MXRA8: variants seen among roughly 807,000 people sequenced by gnomAD.
MXRA8 encodes the protein matrix remodeling-associated protein 8.
MXRA8 carries 44 observed loss-of-function variants against 51.4 expected under a neutral mutation model. The observed-to-expected ratio is 0.86, with a 90% CI of 0.67 to 1.10. The LOEUF is 1.10. Among genes scored for constraint, MXRA8 ranks in the 50% least tolerant of loss-of-function variants. The pLI is 0.00. For missense variants in MXRA8, 765 were observed against 638.9 expected (o/e 1.20, Z -2.13); for synonymous variants, 369 against 293.5 (o/e 1.26, Z -2.63).
intron 2 of MXRA8, among the ~76,000 whole-genome samples, chr1:1,356,199 G>A (rs1644126714): frequency 7.4e-6 from 1 of 135,936 alleles, no homozygotes; most frequent in African/African-American, 2.8e-5. Flanking sequence ...ATCATTGGGG[G>A]AGTGGTGGAC....
chr1:1,357,132 TCAGCG>T (rs1644149478), intron 1 of MXRA8, among the ~76,000 whole-genome samples: 1 of 152,108 alleles, frequency 6.6e-6, no homozygotes, highest in Non-Finnish European at 1.5e-5. Flanking sequence ...CACCTAAGGC[TCAGCG>T]CAGCCCCTGA....
upstream of MXRA8, among the ~76,000 whole-genome samples, chr1:1,360,489 C>T (rs565928710): frequency 1.4e-4 from 1 of 6,942 alleles, no homozygotes; most frequent in Admixed American, 1.4e-3. Context: ...GACTGTGGAG[C>T]CTCTGCTCGC....
Position 1,354,222 on chromosome 1 carries a change from G to C in MXRA8, c.1116C>G (p.Tyr372Ter). 1.2e-6 allele frequency: 2 copies of C among 1,612,542 alleles called. No homozygotes were observed. The highest frequency in any genetic ancestry group is 1.7e-6 in the Non-Finnish European group (2 of 1,179,932). Residue 372 changes from tyrosine (Y) to a stop codon, truncating the protein, a stop_gained, in exon 7 of 10, where the codon TAC (tyrosine) becomes TAG (stop). Transcript: ENST00000309212. LOFTEE classifies it high-confidence loss of function. ...AARRRRGGYE[Y>*]SDQKSGKSKG... ...TTGACTTTCCCGACTTCTGGTCCGA[G>C]TATTCGTAGCCTGGGAAGGAGACTC...
At chr1:1,360,862 G>A (rs563758733), upstream of MXRA8, among the ~76,000 whole-genome samples, 11 of 151,924 alleles carry the variant, frequency 7.2e-5, no homozygotes, top group African/African-American at 2.7e-4. Flanking sequence ...ACAGACACAT[G>A]CACACACACA....
In MXRA8 at chr1:1,353,159, A is replaced by G. The variant is rs1194936496; in HGVS notation, c.*445T>C. On this transcript the variant is annotated 3_prime_UTR_variant, in exon 10 of 10. Transcript: ENST00000309212. ...GCTGACCCCAACTTCAAGGCTGCCA[A>G]GTTCTGATGGGAGTGTCCTCCTCCA... 6.3e-6 allele frequency: 6 copies of G among 957,428 alleles called. No homozygotes were observed. Among genetic ancestry groups the G allele is most frequent in the Non-Finnish European group, 9.7e-6 (6 of 617,714 alleles). 59.3% of individuals were successfully genotyped at this position (957,428 alleles called of 1,614,324 possible). A position where few individuals can be genotyped will look rare whatever the true frequency, so the allele number is the denominator to read the frequency against.
At chr1:1,358,205 G>A (rs752997598) in intron 1 of MXRA8, among the ~76,000 whole-genome samples, 1 of 152,212 alleles carries the variant, frequency 6.6e-6, no homozygotes, top group African/African-American at 2.4e-5. Context: ...AGACGCCGCC[G>A]TGCCTGGGCC....
In MXRA8 at chr1:1,355,280, C is replaced by G; in HGVS notation, c.442G>C (p.Glu148Gln). 1.3e-6 allele frequency: 2 copies of G among 1,576,962 alleles called. No homozygotes were observed. The highest frequency in any genetic ancestry group is 1.7e-6 in the Non-Finnish European group (2 of 1,165,432). ...ACCTCCAGGCGGACGGCCAGGCTCT[C>G]GTAGAGGTGGCAGTAGTGATGGTGC... Reference protein sequence around the residue: ...NLHHHYCHLYESLAVRLEVTD... With the variant: ...NLHHHYCHLYQSLAVRLEVTD... The change falls in exon 4 of 10, where the codon GAG becomes CAG. Residue 148 changes from glutamate to glutamine, a missense_variant. Coordinates refer to ENST00000309212, the MANE Select transcript of MXRA8 (RefSeq NM_032348.4).
chr1:1,354,656 C>A (rs1382802570), intron 5 of MXRA8, 26 bp downstream of exon 5: 123 of 1,544,220 alleles, frequency 8.0e-5, no homozygotes, highest in Non-Finnish European at 1.0e-4. Flanking sequence ...TCCCGCCTTC[C>A]CGGGTCCCAG....
At position 1,355,661 on chromosome 1, in the gene MXRA8, C is replaced by T. The variant is rs1644110640; in HGVS notation, c.165G>A (p.Gln55=). The stretch of plus-strand genomic sequence containing the variant: ...CCTGGGTCCACACCATGCGCGGGCT[C>T]TGGCAGCGCAGCACCGCCCGGGCGC... ...EAGARAVLRC[Q]SPRMVWTQDR... Residue 55 remains glutamine, a synonymous_variant, in exon 3 of 10, where the codon CAG becomes CAA. Transcript: ENST00000309212. 6 of 1,417,874 alleles carry T rather than the reference C, an allele frequency of 4.2e-6. No individual in the cohort carries two copies. Among genetic ancestry groups the T allele is most frequent in the Non-Finnish European group, 5.5e-6 (6 of 1,089,934 alleles). The allele number at this position is 1,417,874 out of a possible 1,614,324, so 87.8% of individuals were successfully genotyped here. A position where few individuals can be genotyped will look rare whatever the true frequency, so the allele number is the denominator to read the frequency against.
chr1:1,354,841 C>T lies in MXRA8; in HGVS notation c.790G>A (p.Val264Ile), dbSNP rs779673452. The change falls in exon 5 of 10, where the codon GTC (valine) becomes ATC (isoleucine). Residue 264 changes from valine to isoleucine, a missense_variant. Coordinates refer to ENST00000309212, the MANE Select transcript of MXRA8 (RefSeq NM_032348.4). ...DFSLRIEPLE[V>I]ADEGTYSCHL... ...CAGGAGTAGGTGCCCTCGTCGGCGACCTCCAGCGGCTCGATACGCAGTGAG... is the reference window on the plus strand; with the variant it reads ...CAGGAGTAGGTGCCCTCGTCGGCGATCTCCAGCGGCTCGATACGCAGTGAG... The T allele has an allele frequency of 7.4e-6, 12 of 1,612,084 alleles. No homozygotes were observed. In the Admixed American group the frequency reaches 1.3e-4, roughly 18 times the overall value.
At chr1:1,362,789 A>T (rs79141536), upstream of MXRA8, among the ~76,000 whole-genome samples, 1,059 of 6,106 alleles carry the variant, frequency 0.17, 10 homozygotes, top group Admixed American at 0.25. Context: ...TCAAAAAAAA[A>T]AAAAAAAAAA....
chr1:1,360,237 G>A (rs999177549), upstream of MXRA8, among the ~76,000 whole-genome samples: 1 of 152,236 alleles, frequency 6.6e-6, no homozygotes, highest in African/African-American at 2.4e-5. Flanking sequence ...GGAGATGCAG[G>A]CCAGAGGCTG....
At chr1:1,356,831 G>A in intron 1 of MXRA8, 127 bp from the exon 2 acceptor site, 1 of 800,564 alleles carries the variant, frequency 1.2e-6, no homozygotes, top group Middle Eastern at 3.9e-4. Flanking sequence ...TTCAGTGCAG[G>A]GAGGACGCCT....
chr1:1,353,700 A>ACC, intron 9 of MXRA8, 71 bp from the exon 10 acceptor site: 1 of 1,503,352 alleles, frequency 6.7e-7, no homozygotes, highest in African/African-American at 1.4e-5. Context: ...CACAGGGCAG[A>ACC]CCCCCCCGCA....
chr1:1,363,231 C>T (rs952777698), upstream of MXRA8, among the ~76,000 whole-genome samples: 8 of 151,908 alleles, frequency 5.3e-5, no homozygotes, highest in Non-Finnish European at 1.0e-4. Context: ...TGCAGTGAGC[C>T]GAGATTGTGC....
At chr1:1,356,496 TA>T (rs1644135955) in intron 2 of MXRA8, among the ~76,000 whole-genome samples, 184 bp downstream of exon 2, 1 of 72,980 alleles carries the variant, frequency 1.4e-5, no homozygotes, top group South Asian at 4.6e-4. Flanking sequence ...AGGGCCCTGG[TA>T]GGGGAAGAGG....
In MXRA8 at chr1:1,354,181, G is replaced by A; in HGVS notation, c.1145+12C>T. On this transcript the variant is annotated intron_variant, in intron 7 of 9. Transcript: ENST00000309212. The stretch of plus-strand genomic sequence containing the variant: ...CCCTGGTCCCCAGGAGGGCCGGGAG[G>A]GGGGCACTCACCCCTTTGACTTTCC... 2 of 1,612,728 alleles carry A rather than the reference G, an allele frequency of 1.2e-6. No individual in the cohort carries two copies. Among genetic ancestry groups the A allele is most frequent in the Non-Finnish European group, 1.7e-6 (2 of 1,179,980 alleles).
In MXRA8 at chr1:1,355,572, G is replaced by A. The variant is rs1387010639; in HGVS notation, c.254C>T (p.Ala85Val). 2.0e-6 allele frequency: 3 copies of A among 1,479,660 alleles called. No individual in the cohort carries two copies. The highest frequency in any genetic ancestry group is 2.7e-6 in the Non-Finnish European group (3 of 1,122,932). 91.7% of individuals were successfully genotyped at this position (1,479,660 alleles called of 1,614,324 possible). ...CGAGTACAAGTCCAGCAGGCGCCGC[G>A]CGGGGCCACCCCCGGGGCCGCGCAG... ...WDLRGPGGGPARRLLDLYSAG... is the reference protein window; with the variant it reads ...WDLRGPGGGPVRRLLDLYSAG... The change falls in exon 3 of 10, where the codon GCG (alanine) becomes GTG (valine). Residue 85 changes from alanine to valine, a missense_variant. Ala to Val is a moderately conservative substitution (Grantham distance 64). Transcript: ENST00000309212.
In MXRA8 at chr1:1,354,051, T is replaced by C. The variant is rs1216437675; in HGVS notation, c.1201A>G (p.Arg401Gly). Reference sequence around the variant, plus strand: ...TCACCTAGCTGGATGTCCTCACTCCTGTAAAGCATCTGGTCCCCTGCAGCC... The same window carrying C: ...TCACCTAGCTGGATGTCCTCACTCCCGTAAAGCATCTGGTCCCCTGCAGCC... ...AVAAGDQMLY[R>G]SEDIQLDYKN... Residue 401 changes from arginine to glycine, a missense_variant, in exon 8 of 10, where the codon AGG (arginine) becomes GGG (glycine). Transcript: ENST00000309212. 6.2e-7 allele frequency: 1 copy of C among 1,612,938 alleles called. No individual in the cohort carries two copies.
Sources: gnomAD v4.1 joint callset for allele counts (sites outside exome capture counted in the v4.1 genomes callset) on GRCh38, gnomAD v4.1.1 for gene constraint, MANE v1.5 for transcripts, NCBI Gene and HGNC (gene_info 2026-07-23, HGNC 2026-07-21) for gene names.